Variants in RFX4 observed in about 807,000 individuals in gnomAD.
The protein encoded by RFX4 is transcription factor RFX4.
A neutral mutation model predicts 95.0 loss-of-function variants in RFX4; 10 were observed. The ratio of observed to expected loss-of-function variants is 0.11; its 90% CI spans 0.06 to 0.18. The LOEUF is 0.18. Among genes scored for constraint, RFX4 ranks in the 10% least tolerant of loss-of-function variants. The probability of loss-of-function intolerance (pLI) is 1.00; values close to 1 mark genes in which losing one functional copy is unlikely to be tolerated. For synonymous variants in RFX4, 321 were observed against 340.7 expected (o/e 0.94, Z 0.64); for missense variants, 640 against 922.0 (o/e 0.69, Z 3.96).
chr12:106,700,534 G>A (rs1419994236), intron 8 of RFX4, among the ~76,000 whole-genome samples: 1 of 150,240 alleles, frequency 6.7e-6, no homozygotes, highest in Non-Finnish European at 1.5e-5. Flanking sequence ...AGCCTCCCGA[G>A]TAGCTGGGAC....
chr12:106,708,988 A>G (rs1171311120), intron 8 of RFX4, among the ~76,000 whole-genome samples: 2 of 152,220 alleles, frequency 1.3e-5, no homozygotes, highest in Non-Finnish European at 2.9e-5. Flanking sequence ...ATCAGACAGG[A>G]CTGGGCTTTC....
At chr12:106,601,908 G>C (rs1040734098) in intron 1 of RFX4, among the ~76,000 whole-genome samples, 2 of 152,174 alleles carry the variant, frequency 1.3e-5, no homozygotes, top group Non-Finnish European at 2.9e-5. Context: ...GGTCTGGCAG[G>C]TGCTGAATCC....
intron 2 of RFX4, among the ~76,000 whole-genome samples, chr12:106,621,491 C>T (rs76082866): frequency 0.13 from 20,465 of 152,146 alleles, 1,513 homozygotes; most frequent in African/African-American, 0.17. Context: ...GGGTGTTTAC[C>T]GACTTCCCTT....
intron 3 of RFX4, among the ~76,000 whole-genome samples, chr12:106,641,939 C>T (rs1189670882): frequency 6.6e-6 from 1 of 151,120 alleles, no homozygotes; most frequent in African/African-American, 2.4e-5. Flanking sequence ...ATATCTATAT[C>T]TATGTCTATA....
chr12:106,619,007 T>G (rs11113059), intron 2 of RFX4, among the ~76,000 whole-genome samples: 48,292 of 152,050 alleles, frequency 0.32, 8,215 homozygotes, highest in African/African-American at 0.44. Context: ...CACTTCAAGC[T>G]CAGTGAAAGA....
Position 106,752,053 on chromosome 12 carries a change from G to T in RFX4, c.1935+1260G>T, listed in dbSNP as rs527871591. Among the ~76,000 whole-genome samples, 473 of 148,978 alleles carry T rather than the reference G, an allele frequency of 3.2e-3. 3 individuals carry two copies. Among genetic ancestry groups the T allele is most frequent in the African/African-American group, 0.011 (460 of 40,196 alleles). ...ATGGTAATGCCTAGGTTTTCTTCTA[G>T]GGTTTTTATGGTTTTAGGTCTAACG... On this transcript the variant is annotated intron_variant, in intron 17 of 17. Transcript: ENST00000392842.
In RFX4 at chr12:106,747,388, G is replaced by A. The variant is rs763870109; in HGVS notation, c.1634-49G>A. ...AAGCCACTAAAGTAAGGAAGAACAA[G>A]GGATATGAGAACTGTTAATGATCAA... On this transcript the variant is annotated intron_variant, in intron 15 of 17. Transcript: ENST00000392842. 9 of 1,589,488 alleles carry A rather than the reference G, an allele frequency of 5.7e-6. No homozygotes were observed. In the Admixed American group the frequency reaches 1.5e-4, roughly 27 times the overall value.
rs1372938955 is a variant in RFX4 at position 106,668,032 on chromosome 12, T to TC, written c.315+13688dup. Among the ~76,000 whole-genome samples the TC allele has an allele frequency of 4.6e-5, 7 of 152,012 alleles. No individual in the cohort carries two copies. The South Asian group carries it at 6.3e-4, about 14-fold the overall frequency. ...AAAATTGGGGCTGTGGGGAAAGATG[T>TC]CCCCCCCATGCCTCAATAGTGGCTT... On this transcript the variant is annotated intron_variant, in intron 4 of 17. Transcript: ENST00000392842.
At chr12:106,728,367 G>A (rs547377951) in intron 13 of RFX4, among the ~76,000 whole-genome samples, 24 of 151,188 alleles carry the variant, frequency 1.6e-4, no homozygotes, top group African/African-American at 3.7e-4. Context: ...CTTACTTAGC[G>A]CGGTGCATAT....
chr12:106,680,769 G>C (rs972720891), intron 4 of RFX4: 6 of 152,128 alleles, frequency 3.9e-5, no homozygotes, highest in African/African-American at 9.7e-5. Context: ...GGTAATAATG[G>C]GTAACATTTA....
At chr12:106,660,112 C>T (rs1050961530) in intron 4 of RFX4, among the ~76,000 whole-genome samples, 1 of 152,042 alleles carries the variant, frequency 6.6e-6, no homozygotes, top group Non-Finnish European at 1.5e-5. Flanking sequence ...ATCCATTTAT[C>T]TGATATTCAT....
At chr12:106,623,447 C>T (rs943776697) in intron 2 of RFX4, among the ~76,000 whole-genome samples, 3 of 152,162 alleles carry the variant, frequency 2.0e-5, no homozygotes, top group Admixed American at 2.0e-4. Flanking sequence ...AAGAGTAGAG[C>T]TCATCACCCC....
rs558393091 is a variant in RFX4, at chr12:106,762,088, T to C, written c.*619T>C. ...CACATCTGTCACAGTACCTGCATTG[T>C]CTTGGAATGTAAGCACTGTCTTGAG... is the stretch of plus-strand genomic sequence containing the variant. On this transcript the variant is annotated 3_prime_UTR_variant, in exon 18 of 18. Coordinates refer to ENST00000392842, the MANE Select transcript of RFX4 (RefSeq NM_213594.3). 1 of 152,814 alleles carries C rather than the reference T, an allele frequency of 6.5e-6. No homozygotes were observed. The highest frequency in any genetic ancestry group is 1.5e-5 in the Non-Finnish European group (1 of 68,068). The allele number at this position is 152,814 out of a possible 1,614,324, so 9.5% of individuals were successfully genotyped here. A position where few individuals can be genotyped will look rare whatever the true frequency, so the allele number is the denominator to read the frequency against.
intron 4 of RFX4, among the ~76,000 whole-genome samples, chr12:106,674,879 A>G (rs1423491656): frequency 1.3e-5 from 2 of 152,106 alleles, no homozygotes; most frequent in African/African-American, 4.8e-5. Flanking sequence ...CCATTAGCCA[A>G]CCTATTATGG....
chr12:106,695,552 G>C (rs1435019931), intron 7 of RFX4, among the ~76,000 whole-genome samples: 1 of 152,126 alleles, frequency 6.6e-6, no homozygotes, highest in Non-Finnish European at 1.5e-5. Flanking sequence ...CATATTAATA[G>C]TAATAATTGC....
At chr12:106,711,554 T>G in intron 10 of RFX4, 43 bp downstream of exon 10, 1 of 1,563,714 alleles carries the variant, frequency 6.4e-7, no homozygotes, top group Non-Finnish European at 8.8e-7. Context: ...GCTGAGTCAT[T>G]GCAAATGAGG....
chr12:106,716,988 G>A (rs1048272251), intron 11 of RFX4, among the ~76,000 whole-genome samples: 1 of 121,526 alleles, frequency 8.2e-6, no homozygotes, highest in South Asian at 2.6e-4. Context: ...TTGTATTCAT[G>A]TGCACAGGAG....
chr12:106,694,864 G>A (rs561902371), intron 7 of RFX4, among the ~76,000 whole-genome samples: 5 of 152,014 alleles, frequency 3.3e-5, no homozygotes, highest in South Asian at 2.1e-4. Context: ...GCGAAACCCC[G>A]TCTCTACTTA....
chr12:106,710,538 A>G (rs2042172949), intron 9 of RFX4, among the ~76,000 whole-genome samples: 1 of 152,184 alleles, frequency 6.6e-6, no homozygotes, highest in Non-Finnish European at 1.5e-5. Context: ...TACAAATTAG[A>G]ATAATCCTAG....
Sources: gnomAD v4.1 joint callset for allele counts (sites outside exome capture counted in the v4.1 genomes callset) on GRCh38, gnomAD v4.1.1 for gene constraint, MANE v1.5 for transcripts, NCBI Gene and HGNC (gene_info 2026-07-23, HGNC 2026-07-21) for gene names.